The following SPAG17 variants were observed in gnomAD, a reference collection of about 807,000 sequenced individuals.
The protein encoded by SPAG17 is sperm associated antigen 17.
SPAG17 carries 169 observed loss-of-function variants against 273.6 expected under a neutral mutation model. That is an observed-to-expected ratio of 0.62 (90% CI 0.55 to 0.70). The LOEUF is 0.70. Ranked by LOEUF, SPAG17 falls within the 30% of genes least tolerant of loss-of-function variation. The pLI is 0.00. For missense variants in SPAG17, 2,557 were observed against 2,627.8 expected (o/e 0.97, Z 0.59); for synonymous variants, 825 against 873.2 (o/e 0.94, Z 0.97).
chr1:117,997,152 T>C (rs1316352360), intron 32 of SPAG17, among the ~76,000 whole-genome samples: 1 of 152,106 alleles, frequency 6.6e-6, no homozygotes, highest in African/African-American at 2.4e-5. Flanking sequence ...AAACACACAA[T>C]TGTGGCTCAT....
At chr1:117,999,813 A>T (rs1354942447) in intron 32 of SPAG17, among the ~76,000 whole-genome samples, 1 of 152,154 alleles carries the variant, frequency 6.6e-6, no homozygotes, top group Non-Finnish European at 1.5e-5. Context: ...GCCGTACAGC[A>T]GCTCTTTAGT....
At chr1:118,069,384 G>T (rs1200102841) in intron 17 of SPAG17, among the ~76,000 whole-genome samples, 2 of 145,362 alleles carry the variant, frequency 1.4e-5, no homozygotes, top group Non-Finnish European at 3.0e-5. Context: ...GTGCAGAAGA[G>T]CTTGAAGATA....
At chr1:118,069,267 C>T (rs1424047841) in intron 17 of SPAG17, among the ~76,000 whole-genome samples, 1 of 144,910 alleles carries the variant, frequency 6.9e-6, no homozygotes, top group East Asian at 2.1e-4. Flanking sequence ...ATTGCTTCAA[C>T]CCAGGAGGCG....
intron 31 of SPAG17, 91 bp from the exon 32 acceptor site, chr1:118,005,693 T>C (rs1658807922): frequency 1.3e-5 from 12 of 891,236 alleles, no homozygotes; most frequent in Non-Finnish European, 1.9e-5. Context: ...AGAATACCCA[T>C]AGATCCTAGT....
chr1:118,148,782 T>G (rs1239191374), intron 3 of SPAG17, among the ~76,000 whole-genome samples: 1 of 152,180 alleles, frequency 6.6e-6, no homozygotes, highest in Non-Finnish European at 1.5e-5. Context: ...CAAGAGACTT[T>G]CTGGGCCTAT....
At chr1:117,981,757 ATGT>A (rs1234965737) in intron 42 of SPAG17, among the ~76,000 whole-genome samples, 1 of 152,208 alleles carries the variant, frequency 6.6e-6, no homozygotes, top group Non-Finnish European at 1.5e-5. Context: ...GGCAACTGAG[ATGT>A]TATCTTTTTT....
intron 1 of SPAG17, among the ~76,000 whole-genome samples, chr1:118,184,253 G>A (rs1417893137): frequency 6.6e-6 from 1 of 152,018 alleles, no homozygotes; most frequent in Admixed American, 6.5e-5. Context: ...GTTCATAATG[G>A]CGGGCTGGAA....
In SPAG17 at chr1:117,971,660, T is replaced by C. The variant is rs1259724898; in HGVS notation, c.6326+203A>G. The C allele has an allele frequency of 3.1e-5, 13 of 422,568 alleles. No individual in the cohort carries two copies. In the East Asian group the frequency reaches 4.3e-4, roughly 14 times the overall value. The allele number at this position is 422,568 out of a possible 1,614,324, so 26.2% of individuals were successfully genotyped here. ...TAGGAGGGCAAGGAAGTATCTACCA[T>C]ATAATTGGAACCCGATAAACACTCA... On this transcript the variant is annotated intron_variant, in intron 45 of 48. Transcript: ENST00000336338.
chr1:117,988,294 TAA>T, intron 38 of SPAG17, 90 bp from the exon 39 acceptor site: 1 of 863,138 alleles, frequency 1.2e-6, no homozygotes, highest in Non-Finnish European at 1.7e-6. Context: ...AGATGCCTGT[TAA>T]GAGCCTATAT....
Position 117,994,440 on chromosome 1 carries a change from C to T in SPAG17, c.5144G>A (p.Arg1715Gln), listed in dbSNP as rs748999990. ...KEDTIVPPNL[R>Q]SRSWETFPSV... ...GGGAAATGTTTCCCATGACCTTGAC[C>T]GGAGATTAGGAGGGACAATTGTATC... Residue 1715 changes from arginine to glutamine, a missense_variant, in exon 35 of 49, where the codon CGG becomes CAG. Transcript: ENST00000336338. 34 of 1,612,534 alleles carry T rather than the reference C, an allele frequency of 2.1e-5. No individual in the cohort carries two copies. The highest frequency in any genetic ancestry group is 1.6e-4 in the Middle Eastern group (1 of 6,064).
At chr1:118,106,563 G>C (rs192610349) in intron 4 of SPAG17, among the ~76,000 whole-genome samples, 1 of 152,242 alleles carries the variant, frequency 6.6e-6, no homozygotes, top group Admixed American at 6.5e-5. Flanking sequence ...GCAACACCCT[G>C]TGCAACATGT....
chr1:117,960,365 AG>A (rs1171362211), intron 48 of SPAG17: 2 of 152,324 alleles, frequency 1.3e-5, no homozygotes, highest in East Asian at 3.9e-4. Flanking sequence ...GCTAGAGAAA[AG>A]AAAATGTTAC....
At chr1:117,967,470 G>T (rs1039945322) in intron 46 of SPAG17, among the ~76,000 whole-genome samples, 4 of 151,970 alleles carry the variant, frequency 2.6e-5, no homozygotes, top group Non-Finnish European at 5.9e-5. Flanking sequence ...CAGGTGATGA[G>T]TTTAAAAAAA....
chr1:118,086,057 C>G lies in SPAG17; in HGVS notation c.1627G>C (p.Asp543His). ...ATCTCCTGCTCAATTTGAACTGGAT[C>G]AAAATTCTTTTGGTCCTGATGAAAA... ...KYALQDQKNF[D>H]PVQIEQEMQS... Residue 543 changes from aspartate to histidine, a missense_variant, in exon 13 of 49, where the codon GAT becomes CAT. By Grantham distance (81) the Asp-to-His change is moderately conservative. Transcript: ENST00000336338. The G allele has an allele frequency of 6.2e-7, 1 of 1,613,390 alleles. No individual in the cohort carries two copies. Among genetic ancestry groups the G allele is most frequent in the Non-Finnish European group, 8.5e-7 (1 of 1,179,840 alleles).
rs1178817023 is a variant in SPAG17, at chr1:117,996,436, A to G, written c.4987T>C (p.Tyr1663His). The change falls in exon 34 of 49, where the codon TAT (tyrosine) becomes CAT (histidine). Residue 1663 changes from tyrosine (Y) to histidine (H), a missense_variant. Physicochemically the swap from Tyr to His is moderately conservative, Grantham distance 83 (BLOSUM62 2). Transcript: ENST00000336338. ...ELLRDSDIEE[Y>H]LSLAYKESNT... The stretch of plus-strand genomic sequence containing the variant: ...GATTCTTTATATGCCAAAGATAGAT[A>G]TTCTTCTATGTCACTGTCTCGAAGA... 1 of 1,613,140 alleles carries G rather than the reference A, an allele frequency of 6.2e-7. No individual in the cohort carries two copies. Among genetic ancestry groups the G allele is most frequent in the East Asian group, 2.2e-5 (1 of 44,856 alleles).
At chr1:118,170,293 G>T (rs1660360012) in intron 1 of SPAG17, among the ~76,000 whole-genome samples, 1 of 152,134 alleles carries the variant, frequency 6.6e-6, no homozygotes, top group Admixed American at 6.6e-5. Context: ...ATTAATACTT[G>T]TGTTCTAAAA....
intron 28 of SPAG17, among the ~76,000 whole-genome samples, chr1:118,022,090 A>T (rs1044321879): frequency 1.3e-4 from 20 of 152,196 alleles, no homozygotes; most frequent in Admixed American, 1.0e-3. Flanking sequence ...CATTAAAGGC[A>T]TATGAGAAAT....
chr1:118,054,519 T>G (rs1454502380), intron 19 of SPAG17, among the ~76,000 whole-genome samples: 1 of 152,114 alleles, frequency 6.6e-6, no homozygotes, highest in East Asian at 1.9e-4. Flanking sequence ...GACCTGAAAT[T>G]GAATGCAATA....
chr1:117,976,233 T>G (rs990564821), intron 43 of SPAG17, among the ~76,000 whole-genome samples: 6 of 152,128 alleles, frequency 3.9e-5, no homozygotes, highest in Admixed American at 6.5e-5. Flanking sequence ...CTTGAGGGTC[T>G]TGGAGCAGTG....
Sources: gnomAD v4.1 joint callset for allele counts (sites outside exome capture counted in the v4.1 genomes callset) on GRCh38, gnomAD v4.1.1 for gene constraint, MANE v1.5 for transcripts, NCBI Gene and HGNC (gene_info 2026-07-23, HGNC 2026-07-21) for gene names.